Variants in RNFT2 observed in about 807,000 individuals in gnomAD.
RNFT2 encodes the protein ring finger protein, transmembrane 2.
RNFT2 carries 36 observed loss-of-function variants against 53.0 expected under a neutral mutation model. The ratio of observed to expected loss-of-function variants is 0.68; its 90% CI spans 0.52 to 0.90. The LOEUF is 0.90. Among genes scored for constraint, RNFT2 ranks in the 40% least tolerant of loss-of-function variants. The pLI is 0.00. For missense variants in RNFT2, 514 were observed against 585.6 expected (o/e 0.88, Z 1.26); for synonymous variants, 260 against 253.2 (o/e 1.03, Z -0.26).
chr12:116,849,612 T>C lies in RNFT2; in HGVS notation c.*164T>C. 1 of 1,394,744 alleles carries C rather than the reference T, an allele frequency of 7.2e-7. No individual in the cohort carries two copies. Among genetic ancestry groups the C allele is most frequent in the Non-Finnish European group, 9.3e-7 (1 of 1,072,846 alleles). The allele number at this position is 1,394,744 out of a possible 1,614,324, so 86.4% of individuals were successfully genotyped here. ...CGCCCCTGTCTTGTCCTTCTGACCT[T>C]CATCTTCCTCTCTCGTTCTGTGGTA... On this transcript the variant is annotated 3_prime_UTR_variant, in exon 11 of 11. Transcript: ENST00000257575.
chr12:116,740,727 C>T, intron 2 of RNFT2: 1 of 641,686 alleles, frequency 1.6e-6, no homozygotes, highest in Non-Finnish European at 2.8e-6. Flanking sequence ...AGTCCGCTGC[C>T]CACTTCACTT....
At chr12:116,815,550 C>G (rs904761817) in intron 7 of RNFT2, among the ~76,000 whole-genome samples, 2 of 152,190 alleles carry the variant, frequency 1.3e-5, no homozygotes, top group Non-Finnish European at 2.9e-5. Flanking sequence ...ACCTCTGTGT[C>G]TGTTGTCTCA....
At chr12:116,771,225 C>T (rs1217891744) in intron 6 of RNFT2, among the ~76,000 whole-genome samples, 8 of 151,714 alleles carry the variant, frequency 5.3e-5, no homozygotes, top group African/African-American at 1.9e-4. Context: ...TTTGGGAGGC[C>T]GAGATGGGCA....
At chr12:116,798,366 C>T (rs372336840) in intron 7 of RNFT2, among the ~76,000 whole-genome samples, 80 of 152,200 alleles carry the variant, frequency 5.3e-4, no homozygotes, top group African/African-American at 1.6e-3. Context: ...AGAGATTGTT[C>T]GGATAAATAC....
intron 3 of RNFT2, among the ~76,000 whole-genome samples, chr12:116,745,552 T>C (rs4767443): frequency 0.76 from 115,611 of 151,954 alleles, 44,231 homozygotes; most frequent in East Asian, 0.99. Flanking sequence ...TGAGCCACCA[T>C]GCCTGGCCTC....
chr12:116,830,548 A>C (rs1404183527), intron 7 of RNFT2, among the ~76,000 whole-genome samples: 2 of 152,106 alleles, frequency 1.3e-5, no homozygotes, highest in African/African-American at 4.8e-5. Context: ...TTAGCCTCCC[A>C]AAGTGTTGGG....
chr12:116,844,217 GT>G (rs377154469), intron 10 of RNFT2, among the ~76,000 whole-genome samples: 44 of 149,262 alleles, frequency 2.9e-4, no homozygotes, highest in Non-Finnish European at 5.4e-4. Flanking sequence ...TGTATTATGG[GT>G]TTTTTTTTTG....
At chr12:116,832,366 A>G (rs1399455371) in intron 7 of RNFT2, among the ~76,000 whole-genome samples, 1 of 151,966 alleles carries the variant, frequency 6.6e-6, no homozygotes, top group Non-Finnish European at 1.5e-5. Context: ...TGTTTGTGAC[A>G]TTCACCCATG....
chr12:116,820,006 A>G (rs1875924874), intron 7 of RNFT2, among the ~76,000 whole-genome samples: 1 of 152,250 alleles, frequency 6.6e-6, no homozygotes, highest in South Asian at 2.1e-4. Context: ...AATCAACATA[A>G]AATTTTTAAT....
intron 2 of RNFT2, chr12:116,740,728 C>T: frequency 4.7e-6 from 3 of 640,324 alleles, no homozygotes; most frequent in South Asian, 1.8e-5. Context: ...GTCCGCTGCC[C>T]ACTTCACTTC....
intron 7 of RNFT2, among the ~76,000 whole-genome samples, chr12:116,804,895 A>C (rs1416647883): frequency 6.6e-6 from 1 of 152,174 alleles, no homozygotes; most frequent in Non-Finnish European, 1.5e-5. Flanking sequence ...TGAGCCTGGG[A>C]AGTAGAGGCT....
intron 7 of RNFT2, among the ~76,000 whole-genome samples, chr12:116,821,096 C>T (rs1432013635): frequency 6.6e-6 from 1 of 152,112 alleles, no homozygotes; most frequent in East Asian, 1.9e-4. Flanking sequence ...ACGGGGGTTA[C>T]TCTTCCCCTG....
At chr12:116,738,975 T>A (rs1226903432) in intron 1 of RNFT2, among the ~76,000 whole-genome samples, 2 of 152,196 alleles carry the variant, frequency 1.3e-5, no homozygotes, top group Non-Finnish European at 2.9e-5. Context: ...ATGAAGATGC[T>A]GCTGCTGACC....
chr12:116,825,283 A>G (rs915212406), intron 7 of RNFT2, among the ~76,000 whole-genome samples: 1 of 152,218 alleles, frequency 6.6e-6, no homozygotes, highest in Non-Finnish European at 1.5e-5. Flanking sequence ...GAGAACAAGC[A>G]AAAGGAAGGA....
chr12:116,758,070 A>G (rs1231834237), intron 5 of RNFT2, among the ~76,000 whole-genome samples: 2 of 152,210 alleles, frequency 1.3e-5, no homozygotes, highest in East Asian at 1.9e-4. Context: ...TTTTACCATT[A>G]TATAATGTCC....
intron 7 of RNFT2, among the ~76,000 whole-genome samples, chr12:116,813,207 C>T (rs1213568641): frequency 2.0e-5 from 3 of 152,154 alleles, no homozygotes; most frequent in Admixed American, 6.5e-5. Context: ...GATCCACCCA[C>T]CTTGGCCTCC....
intron 7 of RNFT2, among the ~76,000 whole-genome samples, chr12:116,780,989 C>T (rs1404687898): frequency 1.3e-5 from 2 of 152,136 alleles, no homozygotes; most frequent in African/African-American, 2.4e-5. Flanking sequence ...ATAACAATAG[C>T]GCCTTCCTCC....
At chr12:116,753,912 C>G in intron 4 of RNFT2, 72 bp from the exon 5 acceptor site, 1 of 1,166,686 alleles carries the variant, frequency 8.6e-7, no homozygotes, top group Non-Finnish European at 1.3e-6. Flanking sequence ...CCTTTTCCCC[C>G]ATGTTGCTCA....
intron 7 of RNFT2, among the ~76,000 whole-genome samples, chr12:116,818,696 G>T (rs1465270044): frequency 6.6e-6 from 1 of 152,176 alleles, no homozygotes; most frequent in African/African-American, 2.4e-5. Context: ...AGGTGGTGTC[G>T]AGTAATTGAA....
Sources: allele counts gnomAD v4.1 joint callset (sites outside exome capture counted in the v4.1 genomes callset), GRCh38; gene constraint gnomAD v4.1.1; transcripts MANE v1.5; gene names NCBI Gene and HGNC (gene_info 2026-07-23, HGNC 2026-07-21).